Variants in MAZ observed in about 807,000 individuals in gnomAD.
The protein encoded by MAZ is myc-associated zinc finger protein.
In MAZ, 4 loss-of-function variants were observed where a neutral mutation model predicts 32.7. That is an observed-to-expected ratio of 0.12 (90% CI 0.06 to 0.28). The LOEUF is 0.28. MAZ is among the 10% of genes least tolerant of loss of function. The pLI, the probability that MAZ is intolerant of heterozygous loss-of-function variation, is 1.00. For missense variants in MAZ, 763 were observed against 667.2 expected, an observed-to-expected ratio of 1.14 and a Z score of -1.58; for synonymous variants, 510 against 297.6, an observed-to-expected ratio of 1.71 and a Z score of -7.35.
chr16:29,809,454 G>A, intron 4 of MAZ: 1 of 842,664 alleles, frequency 1.2e-6, no homozygotes, highest in Non-Finnish European at 2.0e-6. Flanking sequence ...CATCTGAGGA[G>A]GGCATCCCCC....
rs1309931883 is a variant in MAZ, at chr16:29,806,692, G to A, written c.-10G>A. ...CGCTGAGCCCCGGGGGCCCCGCTGC[G>A]GCCGAGGCCATGTTCCCGGTGTTTC... is the stretch of plus-strand genomic sequence containing the variant. On this transcript the variant is annotated 5_prime_UTR_variant, in exon 1 of 5. Transcript: ENST00000322945. The A allele has an allele frequency of 1.7e-6, 2 of 1,194,676 alleles. No homozygotes were observed. Among genetic ancestry groups the A allele is most frequent in the African/African-American group, 1.7e-5 (1 of 60,140 alleles). 74.0% of individuals were successfully genotyped at this position (1,194,676 alleles called of 1,614,324 possible).
chr16:29,806,529 C>T lies in MAZ; in HGVS notation c.-173C>T, dbSNP rs1221045936. 3 of 723,470 alleles carry T rather than the reference C, an allele frequency of 4.1e-6. No homozygotes were observed. The highest frequency in any genetic ancestry group is 4.1e-5 in the African/African-American group (2 of 48,478). 44.8% of individuals were successfully genotyped at this position (723,470 alleles called of 1,614,324 possible). ...GGCGCTCCGCGGCCCGCAAGGCGCC[C>T]TCTTTTCCTCCCTCCCGCCGGCCGG... On this transcript the variant is annotated 5_prime_UTR_variant, in exon 1 of 5. Transcript: ENST00000322945.
rs564740316 is a variant in MAZ at position 29,807,752 on chromosome 16, A to T, written c.967A>T (p.Ser323Cys). Residue 323 changes from serine (S) to cysteine (C), a missense_variant, in exon 2 of 5, where the codon AGC (serine) becomes TGC (cysteine). Transcript: ENST00000322945. ...GCGCTTCAAGCGCAAGGACCGCATG[A>T]GCTACCACGTGCGCTCACATGACGG... The part of the protein sequence containing the change: ...QQRFKRKDRM[S>C]YHVRSHDGAV... 1 of 1,612,726 alleles carries T rather than the reference A, an allele frequency of 6.2e-7. No individual in the cohort carries two copies. The highest frequency in any genetic ancestry group is 8.5e-7 in the Non-Finnish European group (1 of 1,179,970).
chr16:29,809,982 G>A, intron 4 of MAZ, 95 bp from the exon 5 acceptor site: 1 of 1,528,320 alleles, frequency 6.5e-7, no homozygotes, highest in Non-Finnish European at 8.8e-7. Context: ...AGCAACGGCT[G>A]TGTCCCAGGG....
In MAZ at chr16:29,810,311, C is replaced by T; in HGVS notation, c.*80C>T. The T allele has an allele frequency of 1.4e-6, 2 of 1,382,548 alleles. No homozygotes were observed. Among genetic ancestry groups the T allele is most frequent in the East Asian group, 5.0e-5 (2 of 40,158 alleles). 85.6% of individuals were successfully genotyped at this position (1,382,548 alleles called of 1,614,324 possible). ...AGCTCCTCTCCCCCCTCTTTTCCCA[C>T]CAACTCCTATTTCCCTACCAACCAA... On this transcript the variant is annotated 3_prime_UTR_variant, in exon 5 of 5. Transcript: ENST00000322945.
chr16:29,808,348 GCTGT>G (rs1168676381), intron 3 of MAZ, 55 bp downstream of exon 3: 8 of 1,544,112 alleles, frequency 5.2e-6, no homozygotes, highest in East Asian at 2.2e-5. Flanking sequence ...CCTCATGGTA[GCTGT>G]CTGAGTCAGT....
rs1264644650 is a variant in MAZ, at chr16:29,808,431, GCCT to G, written c.1108-137_1108-135del. The G allele has an allele frequency of 9.1e-5, 91 of 996,048 alleles. No individual in the cohort carries two copies. In the South Asian group the frequency reaches 1.2e-3, roughly 13 times the overall value. 61.7% of individuals were successfully genotyped at this position (996,048 alleles called of 1,614,324 possible). ...TCCATTTTCTCATCCCTTCTTCAAGGCCTCATCATGTCACTCCCATTTCCTACA... is the reference window on the plus strand; with the variant it reads ...TCCATTTTCTCATCCCTTCTTCAAGGCATCATGTCACTCCCATTTCCTACA... On this transcript the variant is annotated intron_variant, in intron 3 of 4. Transcript: ENST00000322945.
rs75194070 is a variant in MAZ at position 29,810,114 on chromosome 16, A to G, written c.1317A>G (p.Ala439=). 2.0e-3 allele frequency: 3,018 copies of G among 1,532,880 alleles called. 58 individuals are homozygous for G. The East Asian group carries it at 0.04, about 20-fold the overall frequency. 95.0% of individuals were successfully genotyped at this position (1,532,880 alleles called of 1,614,324 possible). A position where few individuals can be genotyped will look rare whatever the true frequency, so the allele number is the denominator to read the frequency against. The change falls in exon 5 of 5, where the codon GCA becomes GCG. Residue 439 remains alanine (A), a synonymous_variant. Coordinates refer to ENST00000322945, the MANE Select transcript of MAZ (RefSeq NM_002383.4). Reference sequence around the variant, plus strand: ...TTTGTCCAATGGCGGCGGCAGCGGCAGCGGCGGCAGCGGCAGCAGCGGCAG... The same window carrying G: ...TTTGTCCAATGGCGGCGGCAGCGGCGGCGGCGGCAGCGGCAGCAGCGGCAG... The part of the protein sequence containing the change: ...GEVCPMAAAA[A]AAAAAAAAAV...
rs1295259007 is a variant in MAZ at position 29,810,628 on chromosome 16, C to T, written c.*397C>T. On this transcript the variant is annotated 3_prime_UTR_variant, in exon 5 of 5. Coordinates refer to ENST00000322945, the MANE Select transcript of MAZ (RefSeq NM_002383.4). ...TCCAGTCCTCTCCCCCTGCTGTCTG[C>T]AGCCCCTCCCCGGGGAGTTGGTGCT... 2 of 621,244 alleles carry T rather than the reference C, an allele frequency of 3.2e-6. No homozygotes were observed. Among genetic ancestry groups the T allele is most frequent in the East Asian group, 5.8e-5 (2 of 34,662 alleles). The allele number at this position is 621,244 out of a possible 1,614,324, so 38.5% of individuals were successfully genotyped here. A position where few individuals can be genotyped will look rare whatever the true frequency, so the allele number is the denominator to read the frequency against.
chr16:29,806,932 G>T (rs532233987), intron 1 of MAZ, 39 bp downstream of exon 1: 4 of 1,217,392 alleles, frequency 3.3e-6, no homozygotes, highest in Admixed American at 4.1e-5. Flanking sequence ...GCTGGGGGGG[G>T]ACGCCCGCCC....
chr16:29,810,386 C>T lies in MAZ; in HGVS notation c.*155C>T, dbSNP rs1232827739. The stretch of plus-strand genomic sequence containing the variant: ...AGAAATGTTTTCTTAGGGGAATTCG[C>T]TAGGTTTTAACGATTTGTTTCTCCT... On this transcript the variant is annotated 3_prime_UTR_variant, in exon 5 of 5. Transcript: ENST00000322945. 3.6e-6 allele frequency: 3 copies of T among 840,694 alleles called. No homozygotes were observed. The highest frequency in any genetic ancestry group is 5.9e-6 in the Non-Finnish European group (3 of 510,648). 52.1% of individuals were successfully genotyped at this position (840,694 alleles called of 1,614,324 possible).
At position 29,807,680 on chromosome 16, in the gene MAZ, C is replaced by T; in HGVS notation, c.895C>T (p.Leu299=). Residue 299 remains leucine, a synonymous_variant, in exon 2 of 5, where the codon CTG becomes TTG. Transcript: ENST00000322945. Reference sequence around the variant, plus strand: ...CGTCTACCACCTGAACCGACACAAGCTGTCGCACTCGGACGAGAAGCCCTA... The same window carrying T: ...CGTCTACCACCTGAACCGACACAAGTTGTCGCACTCGGACGAGAAGCCCTA... The part of the protein sequence containing the change: ...RDVYHLNRHK[L]SHSDEKPYQC... 2 of 1,612,974 alleles carry T rather than the reference C, an allele frequency of 1.2e-6. No homozygotes were observed. Among genetic ancestry groups the T allele is most frequent in the Non-Finnish European group, 8.5e-7 (1 of 1,179,970 alleles).
chr16:29,808,951 G>A (rs1899733672), intron 4 of MAZ: 8 of 582,612 alleles, frequency 1.4e-5, no homozygotes, highest in East Asian at 5.9e-5. Flanking sequence ...TGCCAGAGAG[G>A]TTGAACCTCC....
At chr16:29,809,839 G>T in intron 4 of MAZ, 1 of 971,904 alleles carries the variant, frequency 1.0e-6, no homozygotes. Flanking sequence ...CCCAATAGGG[G>T]ATCTCAGGAA....
Position 29,806,765 on chromosome 16 carries a change from C to CG in MAZ, c.70dup (p.Val24GlyfsTer24). ...CTTCCCCGTGCTGGGCCTGGACTCC[C>CG]GGGGGGTGGGCGGCCTCATGAACTC... On this transcript the variant is annotated frameshift_variant, in exon 1 of 5. Coordinates refer to ENST00000322945, the MANE Select transcript of MAZ (RefSeq NM_002383.4). LOFTEE classifies it high-confidence loss of function. 16 of 1,435,274 alleles carry CG rather than the reference C, an allele frequency of 1.1e-5. No individual in the cohort carries two copies. Among genetic ancestry groups the CG allele is most frequent in the Admixed American group, 2.7e-5 (1 of 36,744 alleles). 88.9% of individuals were successfully genotyped at this position (1,435,274 alleles called of 1,614,324 possible). A position where few individuals can be genotyped will look rare whatever the true frequency, so the allele number is the denominator to read the frequency against.
chr16:29,811,135 C>G lies in MAZ; in HGVS notation c.*904C>G. On this transcript the variant is annotated 3_prime_UTR_variant, in exon 5 of 5. Coordinates refer to ENST00000322945, the MANE Select transcript of MAZ (RefSeq NM_002383.4). ...TCCACCCCTTCCTTTTGCGCGGACC[C>G]CATTACAATAAATTTTAAATAAAAT... 1 of 435,160 alleles carries G rather than the reference C, an allele frequency of 2.3e-6. No individual in the cohort carries two copies. Among genetic ancestry groups the G allele is most frequent in the South Asian group, 1.6e-5 (1 of 60,930 alleles). The allele number at this position is 435,160 out of a possible 1,614,324, so 27.0% of individuals were successfully genotyped here.
rs1899927214 is a variant in MAZ, at chr16:29,810,943, C to T, written c.*712C>T. On this transcript the variant is annotated 3_prime_UTR_variant, in exon 5 of 5. Coordinates refer to ENST00000322945, the MANE Select transcript of MAZ (RefSeq NM_002383.4). Reference sequence around the variant, plus strand: ...CCAGGGTGAGCGAGGGGTCCAGGGCCTAGAGGTGCTTCCTGGGGGCGGGGG... The same window carrying T: ...CCAGGGTGAGCGAGGGGTCCAGGGCTTAGAGGTGCTTCCTGGGGGCGGGGG... The T allele has an allele frequency of 5.0e-6, 2 of 403,498 alleles. No individual in the cohort carries two copies. The highest frequency in any genetic ancestry group is 1.8e-5 in the South Asian group (1 of 54,470). The allele number at this position is 403,498 out of a possible 1,614,324, so 25.0% of individuals were successfully genotyped here.
At position 29,810,127 on chromosome 16, in the gene MAZ, G is replaced by A. The variant is rs1019139343; in HGVS notation, c.1330G>A (p.Ala444Thr). The A allele has an allele frequency of 1.1e-5, 18 of 1,605,676 alleles. No individual in the cohort carries two copies. The highest frequency in any genetic ancestry group is 1.4e-5 in the Non-Finnish European group (16 of 1,175,518). Reference protein sequence around the residue: ...MAAAAAAAAAAAAAAVAAPPT... With the variant: ...MAAAAAAAAATAAAAVAAPPT... ...GGCGGCAGCGGCAGCGGCGGCAGCGGCAGCAGCGGCAGCAGTAGCAGCCCC... is the reference window on the plus strand; with the variant it reads ...GGCGGCAGCGGCAGCGGCGGCAGCGACAGCAGCGGCAGCAGTAGCAGCCCC... Residue 444 changes from alanine (A) to threonine (T), a missense_variant, in exon 5 of 5, where the codon GCA becomes ACA. Transcript: ENST00000322945.
At position 29,807,974 on chromosome 16, in the gene MAZ, C is replaced by T. The variant is rs778175808; in HGVS notation, c.1043+146C>T. 36 of 1,413,758 alleles carry T rather than the reference C, an allele frequency of 2.5e-5. No individual in the cohort carries two copies. The South Asian group carries it at 3.0e-4, about 12-fold the overall frequency. The allele number at this position is 1,413,758 out of a possible 1,614,324, so 87.6% of individuals were successfully genotyped here. Reference sequence around the variant, plus strand: ...CCAGGGCGGAGGGAGGAAGCCTCTCCCGGTTACCAGGGAGCAAGGGGTGGT... The same window carrying T: ...CCAGGGCGGAGGGAGGAAGCCTCTCTCGGTTACCAGGGAGCAAGGGGTGGT... On this transcript the variant is annotated intron_variant, in intron 2 of 4. Coordinates refer to ENST00000322945, the MANE Select transcript of MAZ (RefSeq NM_002383.4).
Sources: allele counts gnomAD v4.1 joint callset, GRCh38; gene constraint gnomAD v4.1.1; transcripts MANE v1.5; gene names NCBI Gene and HGNC (gene_info 2026-07-23, HGNC 2026-07-21).